The following GAS6 variants were observed in gnomAD, a reference collection of about 807,000 sequenced individuals.
GAS6 encodes growth arrest-specific protein 6.
A neutral mutation model predicts 75.8 loss-of-function variants in GAS6; 41 were observed. The ratio of observed to expected loss-of-function variants is 0.54; its 90% confidence interval spans 0.42 to 0.70. The LOEUF is 0.70. GAS6 is among the 30% of genes least tolerant of loss of function. GAS6 has a pLI of 0.00. For missense variants in GAS6, 854 were observed against 940.2 expected (o/e 0.91, Z 1.20); for synonymous variants, 432 against 412.6 (o/e 1.05, Z -0.57).
chr13:113,839,819 G>T lies in GAS6; in HGVS notation c.375C>A (p.Cys125Ter). Residue 125 changes from cysteine to a stop codon, truncating the protein, a stop_gained, in exon 5 of 15, where the codon TGC becomes TGA. Transcript: ENST00000327773. LOFTEE classifies it high-confidence loss of function. ...NLPDQCTPNP[C>*]DRKGTQACQD... Reference sequence around the variant, plus strand: ...GGCAGGCTTGGGTCCCCTTCCTATCGCAGGGGTTGGGCGTGCACTGGTCAG... The same window carrying T: ...GGCAGGCTTGGGTCCCCTTCCTATCTCAGGGGTTGGGCGTGCACTGGTCAG... 6.2e-7 allele frequency: 1 copy of T among 1,613,946 alleles called. No homozygotes were observed. The highest frequency in any genetic ancestry group is 8.5e-7 in the Non-Finnish European group (1 of 1,180,012).
Position 113,820,855 on chromosome 13 carries a change from C to T in GAS6, c.*9G>A, listed in dbSNP as rs999300128. ...AGAGACTGAGAAGCCTGCCGCGTCCCGTGGGGGCCTAGGCTGCGGCGGGCT... is the reference window on the plus strand; with the variant it reads ...AGAGACTGAGAAGCCTGCCGCGTCCTGTGGGGGCCTAGGCTGCGGCGGGCT... On this transcript the variant is annotated 3_prime_UTR_variant, in exon 15 of 15. Coordinates refer to ENST00000327773, the MANE Select transcript of GAS6 (RefSeq NM_000820.4). 29 of 1,607,816 alleles carry T rather than the reference C, an allele frequency of 1.8e-5. No homozygotes were observed. Among genetic ancestry groups the T allele is most frequent in the South Asian group, 3.3e-5 (3 of 90,934 alleles).
At chr13:113,830,211 A>G (rs953246642) in intron 10 of GAS6, among the ~76,000 whole-genome samples, 2 of 152,198 alleles carry the variant, frequency 1.3e-5, no homozygotes, top group African/African-American at 2.4e-5. Context: ...AAAACATGGT[A>G]CAAATTCGGG....
In GAS6 at chr13:113,822,004, C is replaced by A; in HGVS notation, c.1836G>T (p.Glu612Asp). ...TGAGCACGGGGCTCCGCAGGTGCCT[C>A]TCGAGCACGGCCAGCCTCTCCTGCA... ...AQLQERLAVL[E>D]RHLRSPVLTF... The change falls in exon 14 of 15, where the codon GAG becomes GAT. Residue 612 changes from glutamate to aspartate, a missense_variant. Glu to Asp is a conservative substitution (Grantham distance 45). Coordinates refer to ENST00000327773, the MANE Select transcript of GAS6 (RefSeq NM_000820.4). 6.4e-7 allele frequency: 1 copy of A among 1,555,312 alleles called. No homozygotes were observed. The highest frequency in any genetic ancestry group is 8.7e-7 in the Non-Finnish European group (1 of 1,152,316).
Position 113,828,646 on chromosome 13 carries a change from G to T in GAS6, c.1209C>A (p.Ile403=), listed in dbSNP as rs756300314. 18 of 1,613,462 alleles carry T rather than the reference G, an allele frequency of 1.1e-5. No homozygotes were observed. The highest frequency in any genetic ancestry group is 5.0e-5 in the Admixed American group (3 of 59,996). ...GTTGGAACAAGTCCCCGGCCACCGCGATTTTCATGACAGCATCCCTGTTGA... is the reference window on the plus strand; with the variant it reads ...GTTGGAACAAGTCCCCGGCCACCGCTATTTTCATGACAGCATCCCTGTTGA... The part of the protein sequence containing the change: ...IKVNRDAVMK[I]AVAGDLFQPE... The change falls in exon 11 of 15, where the codon ATC becomes ATA. Residue 403 remains isoleucine, a synonymous_variant. Coordinates refer to ENST00000327773, the MANE Select transcript of GAS6 (RefSeq NM_000820.4).
Position 113,832,822 on chromosome 13 carries a change from C to T in GAS6, c.835-70G>A, listed in dbSNP as rs781142457. On this transcript the variant is annotated intron_variant, in intron 8 of 14. Coordinates refer to ENST00000327773, the MANE Select transcript of GAS6 (RefSeq NM_000820.4). ...TCCTGCTCCCCTGAGCCCCACGCCC[C>T]GGCCGCGCAGCGGGTCCACTGTCCC... The T allele has an allele frequency of 2.9e-5, 47 of 1,605,080 alleles. No individual in the cohort carries two copies. In the Middle Eastern group the frequency reaches 6.6e-4, roughly 23 times the overall value.
intron 7 of GAS6, among the ~76,000 whole-genome samples, chr13:113,835,221 G>C (rs1028703764): frequency 6.6e-6 from 1 of 152,246 alleles, no homozygotes; most frequent in Non-Finnish European, 1.5e-5. Flanking sequence ...CGTCCCTTTG[G>C]GGAGAGGCCC....
Position 113,823,305 on chromosome 13 carries a change from T to C in GAS6, c.1653+70A>G, listed in dbSNP as rs2051484932. 6 of 1,489,980 alleles carry C rather than the reference T, an allele frequency of 4.0e-6. No homozygotes were observed. In the Admixed American group the frequency reaches 1.2e-4, roughly 30 times the overall value. 92.3% of individuals were successfully genotyped at this position (1,489,980 alleles called of 1,614,324 possible). A position where few individuals can be genotyped will look rare whatever the true frequency, so the allele number is the denominator to read the frequency against. Reference sequence around the variant, plus strand: ...CCCACCGCGGGCCCCCTTCGTCCCCTGCCAGGGAGTGCAGCCCACGTACCC... The same window carrying C: ...CCCACCGCGGGCCCCCTTCGTCCCCCGCCAGGGAGTGCAGCCCACGTACCC... On this transcript the variant is annotated intron_variant, in intron 13 of 14. Transcript: ENST00000327773.
intron 2 of GAS6, among the ~76,000 whole-genome samples, chr13:113,854,523 G>C (rs909120402): frequency 5.9e-5 from 9 of 152,252 alleles, no homozygotes; most frequent in African/African-American, 1.2e-4. Flanking sequence ...CCCAAACACA[G>C]AGCATGCTCC....
rs1162429881 is a variant in GAS6, at chr13:113,826,705, A to G, written c.1477+291T>C. ...CCCCGCCTCCTGGCGCCGGCCTCGCAGGCACCTTCTCTCCCCGGCCTCCTG... is the reference window on the plus strand; with the variant it reads ...CCCCGCCTCCTGGCGCCGGCCTCGCGGGCACCTTCTCTCCCCGGCCTCCTG... On this transcript the variant is annotated intron_variant, in intron 12 of 14. Transcript: ENST00000327773. 1.9e-4 allele frequency among the ~76,000 whole-genome samples: 27 copies of G among 142,238 alleles called. 1 individual carries two copies. Among genetic ancestry groups the G allele is most frequent in the East Asian group, 8.2e-4 (4 of 4,880 alleles). The allele number at this position is 142,238 out of a possible 152,430, so 93.3% of individuals were successfully genotyped here. A position where few individuals can be genotyped will look rare whatever the true frequency, so the allele number is the denominator to read the frequency against.
At chr13:113,835,375 G>C in intron 7 of GAS6, 138 bp downstream of exon 7, 1 of 1,033,622 alleles carries the variant, frequency 9.7e-7, no homozygotes, top group Non-Finnish European at 1.4e-6. Context: ...GCCATTACCA[G>C]GCTGATAGAA....
chr13:113,858,604 CAT>C (rs1388178790), intron 2 of GAS6, among the ~76,000 whole-genome samples: 4 of 136,760 alleles, frequency 2.9e-5, no homozygotes, highest in South Asian at 2.5e-4. Flanking sequence ...CGTATGTGTA[CAT>C]GTCTGTGTGT....
rs138627643 is a variant in GAS6 at position 113,856,137 on chromosome 13, G to A, written c.255+7438C>T. On this transcript the variant is annotated intron_variant, in intron 2 of 14. Transcript: ENST00000327773. ...GACGCACCTGGCAGACCATGTTCAC[G>A]AGACTAATGCTCCGAGCCACTGACA... Among the ~76,000 whole-genome samples the A allele has an allele frequency of 3.5e-4, 54 of 152,322 alleles. No individual in the cohort carries two copies. The East Asian group carries it at 6.2e-3, about 17-fold the overall frequency.
chr13:113,846,633 C>G (rs374711978), intron 3 of GAS6, 44 bp from the exon 4 acceptor site: 1 of 1,526,278 alleles, frequency 6.6e-7, no homozygotes, highest in Non-Finnish European at 9.1e-7. Flanking sequence ...CTTACAAGAC[C>G]GGATGGACTG....
rs1437547563 is a variant in GAS6, at chr13:113,826,268, C to T, written c.1477+728G>A. Among the ~76,000 whole-genome samples, 9 of 152,322 alleles carry T rather than the reference C, an allele frequency of 5.9e-5. No individual in the cohort carries two copies. In the South Asian group the frequency reaches 8.3e-4, roughly 14 times the overall value. On this transcript the variant is annotated intron_variant, in intron 12 of 14. Transcript: ENST00000327773. ...CATTGTAGCTGTCTCACCGGGTCAT[C>T]GGTGACCACGGTGTCCACCATGTTA...
intron 2 of GAS6, among the ~76,000 whole-genome samples, chr13:113,856,448 C>T (rs969861469): frequency 6.6e-6 from 1 of 152,132 alleles, no homozygotes; most frequent in South Asian, 2.1e-4. Context: ...ACACAGTTGT[C>T]ATGAGGATGT....
rs113991863 is a variant in GAS6 at position 113,824,496 on chromosome 13, C to G, written c.1478-946G>C. Among the ~76,000 whole-genome samples, 574 of 152,162 alleles carry G rather than the reference C, an allele frequency of 3.8e-3. 8 individuals are homozygous for G. Among genetic ancestry groups the G allele is most frequent in the African/African-American group, 0.013 (550 of 41,432 alleles). On this transcript the variant is annotated intron_variant, in intron 12 of 14. Transcript: ENST00000327773. ...CACGGCATATCCTCTCCACGCTGAGCCCTCCGTGGACTAAGAAGCCAGAAG... is the reference window on the plus strand; with the variant it reads ...CACGGCATATCCTCTCCACGCTGAGGCCTCCGTGGACTAAGAAGCCAGAAG...
chr13:113,851,198 C>T (rs1478956742), intron 2 of GAS6, among the ~76,000 whole-genome samples: 2 of 147,250 alleles, frequency 1.4e-5, no homozygotes, highest in South Asian at 2.2e-4. Context: ...TGAATAAATG[C>T]GTAGATAGAT....
intron 4 of GAS6, 83 bp from the exon 5 acceptor site, chr13:113,839,933 G>A (rs547775971): frequency 1.4e-5 from 23 of 1,599,256 alleles, no homozygotes; most frequent in Non-Finnish European, 2.0e-5. Context: ...GGGCGGCTGT[G>A]GGGTCTCGGG....
Position 113,839,744 on chromosome 13 carries a change from G to C in GAS6, c.450C>G (p.Gly150=), listed in dbSNP as rs775709016. 1.2e-5 allele frequency: 19 copies of C among 1,613,516 alleles called. No individual in the cohort carries two copies. The African/African-American group carries it at 2.4e-4, about 20-fold the overall frequency. The change falls in exon 5 of 15, where the codon GGC becomes GGG. Residue 150 remains glycine (G), a synonymous_variant. Transcript: ENST00000327773. The stretch of plus-strand genomic sequence containing the variant: ...CTCACGTACCTTTGTCGCAGAGCCG[G>C]CCCCCCCAGCCAGCTTTACACAGGC... ...FFCLCKAGWG[G]RLCDKDVNEC...
Sources: allele counts gnomAD v4.1 joint callset (sites outside exome capture counted in the v4.1 genomes callset), GRCh38; gene constraint gnomAD v4.1.1; transcripts MANE v1.5; gene names NCBI Gene and HGNC (gene_info 2026-07-23, HGNC 2026-07-21).